Variants in FRMD3 observed in about 807,000 individuals in gnomAD.
FRMD3 encodes the protein FERM domain containing 3.
Under a neutral mutation model 70.2 loss-of-function variants are expected in FRMD3, and 33 were observed. The observed-to-expected ratio is 0.47, with a 90% confidence interval of 0.36 to 0.63. The LOEUF is 0.63. Ranked by LOEUF, FRMD3 falls within the 20% of genes least tolerant of loss-of-function variation. The pLI is 0.00. For missense variants in FRMD3, 632 were observed against 711.4 expected (o/e 0.89, Z 1.27); for synonymous variants, 279 against 255.9 (o/e 1.09, Z -0.86).
In FRMD3 at chr9:83,298,810, T is replaced by C; in HGVS notation, c.1008A>G (p.Lys336=). The C allele has an allele frequency of 6.2e-7, 1 of 1,614,142 alleles. No individual in the cohort carries two copies. Among genetic ancestry groups the C allele is most frequent in the East Asian group, 2.2e-5 (1 of 44,886 alleles). ...TGGCCTCCACCACCTCTTTGGCAACTTTCCCACTGCAAAAGACAGAAACAC... is the reference window on the plus strand; with the variant it reads ...TGGCCTCCACCACCTCTTTGGCAACCTTCCCACTGCAAAAGACAGAAACAC... ...FKGSRFRYSG[K]VAKEVVEASS... Residue 336 remains lysine (K), a synonymous_variant, in exon 12 of 14, where the codon AAA becomes AAG. Transcript: ENST00000304195.
chr9:83,487,963 A>T (rs1001186393), intron 1 of FRMD3, among the ~76,000 whole-genome samples: 1 of 152,210 alleles, frequency 6.6e-6, no homozygotes, highest in Non-Finnish European at 1.5e-5. Context: ...ATAAATTTTC[A>T]TTCAATTTCC....
intron 10 of FRMD3, among the ~76,000 whole-genome samples, chr9:83,301,538 A>AG (rs1554684031): frequency 6.6e-6 from 1 of 151,696 alleles, no homozygotes; most frequent in Non-Finnish European, 1.5e-5. Flanking sequence ...AAAAAAAAAA[A>AG]GATTGAGTTT....
chr9:83,348,567 T>G (rs1824039562), intron 4 of FRMD3, among the ~76,000 whole-genome samples: 1 of 152,130 alleles, frequency 6.6e-6, no homozygotes, highest in Non-Finnish European at 1.5e-5. Context: ...TCCAACACTG[T>G]GAATGTACTG....
intron 3 of FRMD3, among the ~76,000 whole-genome samples, chr9:83,364,925 C>A (rs1320612982): frequency 6.6e-6 from 1 of 152,110 alleles, no homozygotes; most frequent in East Asian, 1.9e-4. Context: ...TTACCATAGC[C>A]CATATTCTAT....
In FRMD3 at chr9:83,295,311, C is replaced by A. The variant is rs1587690467; in HGVS notation, c.1070+3437G>T. Among the ~76,000 whole-genome samples, 3 of 152,262 alleles carry A rather than the reference C, an allele frequency of 2.0e-5. No individual in the cohort carries two copies. The East Asian group carries it at 5.8e-4, about 29-fold the overall frequency. ...TAAAAGATGCTTATATAGGCAGACTCAGGACTCAAAAATGGTAGCATAAAA... is the reference window on the plus strand; with the variant it reads ...TAAAAGATGCTTATATAGGCAGACTAAGGACTCAAAAATGGTAGCATAAAA... On this transcript the variant is annotated intron_variant, in intron 12 of 13. Coordinates refer to ENST00000304195, the MANE Select transcript of FRMD3 (RefSeq NM_174938.6).
chr9:83,526,122 C>A (rs1182737829), intron 1 of FRMD3, among the ~76,000 whole-genome samples: 1 of 152,204 alleles, frequency 6.6e-6, no homozygotes, highest in Non-Finnish European at 1.5e-5. Flanking sequence ...ATTCTCTGTT[C>A]CCCCAACCTG....
chr9:83,472,141 C>T (rs547479402), intron 1 of FRMD3, among the ~76,000 whole-genome samples: 1 of 152,192 alleles, frequency 6.6e-6, no homozygotes, highest in East Asian at 1.9e-4. Flanking sequence ...ACTCACCGCT[C>T]AGATTTTAGT....
intron 6 of FRMD3, among the ~76,000 whole-genome samples, chr9:83,331,486 A>T (rs894617856): frequency 6.6e-6 from 1 of 152,216 alleles, no homozygotes; most frequent in Non-Finnish European, 1.5e-5. Flanking sequence ...ACTACTCTGT[A>T]TGATACTATA....
At chr9:83,382,017 C>CA (rs984817161) in intron 2 of FRMD3, among the ~76,000 whole-genome samples, 40 of 141,218 alleles carry the variant, frequency 2.8e-4, no homozygotes, top group South Asian at 2.0e-3. Flanking sequence ...AATAGACACT[C>CA]AAAAAAAAAA....
chr9:83,504,886 A>G (rs572157702), intron 1 of FRMD3, among the ~76,000 whole-genome samples: 1 of 152,328 alleles, frequency 6.6e-6, no homozygotes, highest in African/African-American at 2.4e-5. Flanking sequence ...CACAGTAAAT[A>G]TTGATAAATG....
chr9:83,518,834 A>C (rs1688841487), intron 1 of FRMD3, among the ~76,000 whole-genome samples: 1 of 152,120 alleles, frequency 6.6e-6, no homozygotes, highest in African/African-American at 2.4e-5. Context: ...CAGAAATAAT[A>C]CCACACATCT....
intron 1 of FRMD3, among the ~76,000 whole-genome samples, chr9:83,450,534 C>A (rs1827624403): frequency 6.6e-6 from 1 of 152,054 alleles, no homozygotes; most frequent in South Asian, 2.1e-4. Flanking sequence ...CATTCCAAGA[C>A]TGTTGCCCAA....
chr9:83,367,125 A>G (rs1824815021), intron 3 of FRMD3, among the ~76,000 whole-genome samples: 1 of 152,202 alleles, frequency 6.6e-6, no homozygotes, highest in Admixed American at 6.5e-5. Flanking sequence ...AAAACCAAAC[A>G]TTCAAAAATA....
At chr9:83,365,357 T>C (rs114450689) in intron 3 of FRMD3, among the ~76,000 whole-genome samples, 2,329 of 152,320 alleles carry the variant, frequency 0.015, 72 homozygotes, top group African/African-American at 0.054. Flanking sequence ...TTCGTCCTAC[T>C]GATCTTGCAT....
chr9:83,412,056 A>C (rs762508063), intron 1 of FRMD3, among the ~76,000 whole-genome samples: 1 of 152,368 alleles, frequency 6.6e-6, no homozygotes, highest in Admixed American at 6.5e-5. Flanking sequence ...ACCTCCCCAG[A>C]AGGTACCCAT....
intron 1 of FRMD3, among the ~76,000 whole-genome samples, chr9:83,404,102 G>A (rs1018168605): frequency 1.3e-5 from 2 of 151,368 alleles, no homozygotes; most frequent in African/African-American, 2.4e-5. Flanking sequence ...AAGCAGGCAC[G>A]CACACAAGAA....
chr9:83,455,108 G>T (rs1827780591), intron 1 of FRMD3, among the ~76,000 whole-genome samples: 1 of 152,134 alleles, frequency 6.6e-6, no homozygotes, highest in African/African-American at 2.4e-5. Context: ...TATGCAAGAA[G>T]ATATAAAGAA....
At chr9:83,430,043 T>A (rs1826925995) in intron 1 of FRMD3, among the ~76,000 whole-genome samples, 1 of 152,164 alleles carries the variant, frequency 6.6e-6, no homozygotes, top group African/African-American at 2.4e-5. Flanking sequence ...TGTTCCCCCA[T>A]CACTAATCAC....
chr9:83,539,688 G>A (rs1331345652), upstream of FRMD3, among the ~76,000 whole-genome samples: 1 of 152,122 alleles, frequency 6.6e-6, no homozygotes, highest in Admixed American at 6.5e-5. Flanking sequence ...AGTCCGCATT[G>A]CATTTGGACT....
Sources: gnomAD v4.1 joint callset for allele counts (sites outside exome capture counted in the v4.1 genomes callset) on GRCh38, gnomAD v4.1.1 for gene constraint, MANE v1.5 for transcripts, NCBI Gene and HGNC (gene_info 2026-07-23, HGNC 2026-07-21) for gene names.